Variants in ZNHIT6 observed in about 807,000 individuals in gnomAD.
ZNHIT6 encodes box C/D snoRNA protein 1.
A neutral mutation model predicts 57.2 loss-of-function variants in ZNHIT6; 45 were observed. The ratio of observed to expected loss-of-function variants is 0.79; its 90% confidence interval spans 0.62 to 1.01. The LOEUF is 1.01. ZNHIT6 is among the 50% of genes least tolerant of loss of function. The probability of loss-of-function intolerance (pLI) is 0.00; values close to 1 mark genes in which losing one functional copy is unlikely to be tolerated. For synonymous variants in ZNHIT6, 188 were observed against 190.0 expected, an observed-to-expected ratio of 0.99 and a Z score of 0.09; for missense variants, 528 against 567.3, an observed-to-expected ratio of 0.93 and a Z score of 0.70.
intron 9 of ZNHIT6, 36 bp from the exon 10 acceptor site, chr1:85,654,134 T>C (rs1215615899): frequency 1.9e-6 from 3 of 1,590,714 alleles, no homozygotes; most frequent in African/African-American, 2.7e-5. Flanking sequence ...GTCAAGTGTT[T>C]ATATTTTTCT....
At chr1:85,680,957 T>C in intron 5 of ZNHIT6, 53 bp from the exon 6 acceptor site, 1 of 1,373,132 alleles carries the variant, frequency 7.3e-7, no homozygotes, top group South Asian at 1.3e-5. Context: ...AAAGTCTGGA[T>C]GCAAATTGAA....
chr1:85,665,870 A>G (rs1252686657), intron 8 of ZNHIT6, among the ~76,000 whole-genome samples: 1 of 152,184 alleles, frequency 6.6e-6, no homozygotes, highest in Non-Finnish European at 1.5e-5. Context: ...GAATGGTATT[A>G]TTTTAGAGTT....
intron 8 of ZNHIT6, among the ~76,000 whole-genome samples, chr1:85,676,913 C>G (rs183038619): frequency 6.6e-6 from 1 of 152,148 alleles, no homozygotes; most frequent in East Asian, 1.9e-4. Flanking sequence ...GCAGTTACCA[C>G]AAACCTTCAA....
intron 8 of ZNHIT6, among the ~76,000 whole-genome samples, chr1:85,665,217 T>C (rs577426126): frequency 1.3e-5 from 2 of 152,244 alleles, no homozygotes; most frequent in East Asian, 1.9e-4. Context: ...GTTCATATTC[T>C]TTTTTTGCTC....
chr1:85,674,168 CT>C (rs1300044837), intron 8 of ZNHIT6, among the ~76,000 whole-genome samples: 1 of 152,138 alleles, frequency 6.6e-6, no homozygotes, highest in Non-Finnish European at 1.5e-5. Context: ...CCTTCCTTTG[CT>C]TTGATAGTAT....
intron 8 of ZNHIT6, among the ~76,000 whole-genome samples, chr1:85,667,460 T>A (rs1307931849): frequency 6.6e-6 from 1 of 152,056 alleles, no homozygotes; most frequent in African/African-American, 2.4e-5. Context: ...TGAAAAACAA[T>A]GATACTTTTG....
intron 6 of ZNHIT6, among the ~76,000 whole-genome samples, chr1:85,680,122 C>T (rs1341181937): frequency 2.0e-5 from 3 of 152,108 alleles, no homozygotes; most frequent in Non-Finnish European, 4.4e-5. Context: ...GGAGGATCAC[C>T]TGAGCCCAGG....
intron 5 of ZNHIT6, among the ~76,000 whole-genome samples, chr1:85,701,302 C>A (rs1012619384): frequency 6.6e-6 from 1 of 152,124 alleles, no homozygotes; most frequent in African/African-American, 2.4e-5. Flanking sequence ...ACAACTGGGG[C>A]CCAGAGAAAG....
chr1:85,687,307 AAAAAC>A lies in ZNHIT6; in HGVS notation c.1020-6408_1020-6404del, dbSNP rs1557861220. Among the ~76,000 whole-genome samples the A allele has an allele frequency of 7.3e-4, 106 of 145,734 alleles. 19 individuals are homozygous for A. In the East Asian group the frequency reaches 8.2e-3, roughly 11 times the overall value. ...AAAAAACAAAAAAAAAACAAAAAAAAAAAACAATTTAGAACCCAGTACTCAAAAAT... is the reference window on the plus strand; with the variant it reads ...AAAAAACAAAAAAAAAACAAAAAAAAAATTTAGAACCCAGTACTCAAAAAT... On this transcript the variant is annotated intron_variant, in intron 5 of 9. Coordinates refer to ENST00000370574, the MANE Select transcript of ZNHIT6 (RefSeq NM_017953.4).
In ZNHIT6 at chr1:85,687,294, AAAAACAAAAAAAAAAAAC is replaced by A. The variant is rs1662081901; in HGVS notation, c.1020-6408_1020-6391del. 3.0e-5 allele frequency among the ~76,000 whole-genome samples: 4 copies of A among 133,218 alleles called. 1 individual carries two copies. In the East Asian group the frequency reaches 7.7e-4, roughly 26 times the overall value. The allele number at this position is 133,218 out of a possible 152,430, so 87.4% of individuals were successfully genotyped here. ...AGAAGACTATCTCAAAAAACAAAAA[AAAAACAAAAAAAAAAAAC>A]AATTTAGAACCCAGTACTCAAAAAT... On this transcript the variant is annotated intron_variant, in intron 5 of 9. Coordinates refer to ENST00000370574, the MANE Select transcript of ZNHIT6 (RefSeq NM_017953.4).
chr1:85,696,493 C>A (rs1306275660), intron 5 of ZNHIT6, among the ~76,000 whole-genome samples: 1 of 152,024 alleles, frequency 6.6e-6, no homozygotes, highest in East Asian at 1.9e-4. Context: ...TCAGTCCATA[C>A]TGAAGGATAC....
At position 85,667,961 on chromosome 1, in the gene ZNHIT6, A is replaced by AAAAAAAAAAAAAATGTATATATAT; in HGVS notation, c.1247+9274_1247+9275insATATATATACATTTTTTTTTTTTT. Among the ~76,000 whole-genome samples the AAAAAAAAAAAAAATGTATATATAT allele has an allele frequency of 3.3e-4, 6 of 18,202 alleles. 1 individual carries two copies. Among genetic ancestry groups the AAAAAAAAAAAAAATGTATATATAT allele is most frequent in the Admixed American group, 6.7e-4 (1 of 1,484 alleles). 11.9% of individuals were successfully genotyped at this position (18,202 alleles called of 152,430 possible). ...ACTCTCTCTTTCAAAAAAAAAAAAA[A>AAAAAAAAAAAAAATGTATATATAT]ATATATATATATATATATATATATG... On this transcript the variant is annotated intron_variant, in intron 8 of 9. Transcript: ENST00000370574.
chr1:85,708,088 T>G lies in ZNHIT6; in HGVS notation c.197A>C (p.Gln66Pro), dbSNP rs1165637644. 6.2e-7 allele frequency: 1 copy of G among 1,614,118 alleles called. No individual in the cohort carries two copies. The highest frequency in any genetic ancestry group is 8.5e-7 in the Non-Finnish European group (1 of 1,180,024). The change falls in exon 1 of 10, where the codon CAA (glutamine) becomes CCA (proline). Residue 66 changes from glutamine to proline, a missense_variant. Transcript: ENST00000370574. ...EIGDGEEGSGQRPEEIPMDLT... is the reference protein window; with the variant it reads ...EIGDGEEGSGPRPEEIPMDLT... ...GTCCATCGGTATTTCCTCTGGCCTT[T>G]GTCCACTTCCTTCCTCTCCATCCCC...
chr1:85,677,786 A>G (rs971136616), intron 7 of ZNHIT6, among the ~76,000 whole-genome samples: 1 of 152,218 alleles, frequency 6.6e-6, no homozygotes, highest in African/African-American at 2.4e-5. Context: ...CACCCAGTCT[A>G]AATTTTAAAT....
intron 8 of ZNHIT6, among the ~76,000 whole-genome samples, chr1:85,667,841 C>T (rs528094884): frequency 1.0e-4 from 15 of 148,122 alleles, no homozygotes; most frequent in African/African-American, 2.5e-4. Context: ...GGCTGAGGCA[C>T]GAGAATTGCT....
rs1178288999 is a variant in ZNHIT6, at chr1:85,650,596, AAG to A, written c.*3460_*3461del. On this transcript the variant is annotated 3_prime_UTR_variant, in exon 10 of 10. Transcript: ENST00000370574. ...TAAGACTGGGTAACTTATTTTTAAA[AAG>A]AGTTTTATTTGGCTCATGATTCTGG... 4 of 152,324 alleles carry A rather than the reference AAG, an allele frequency of 2.6e-5. No homozygotes were observed. The highest frequency in any genetic ancestry group is 4.1e-4 in the South Asian group (2 of 4,824). The allele number at this position is 152,324 out of a possible 1,614,324, so 9.4% of individuals were successfully genotyped here.
chr1:85,664,633 G>A (rs1661314263), intron 8 of ZNHIT6, among the ~76,000 whole-genome samples: 1 of 152,108 alleles, frequency 6.6e-6, no homozygotes, highest in South Asian at 2.1e-4. Flanking sequence ...GGTGGAGGGT[G>A]GGAGGAGGGA....
chr1:85,659,866 C>A (rs1170376277), intron 8 of ZNHIT6, among the ~76,000 whole-genome samples: 1 of 152,180 alleles, frequency 6.6e-6, no homozygotes, highest in African/African-American at 2.4e-5. Context: ...CACACCCCAG[C>A]CTGGAATTAT....
chr1:85,690,704 T>A (rs1392806543), intron 5 of ZNHIT6, among the ~76,000 whole-genome samples: 1 of 152,146 alleles, frequency 6.6e-6, no homozygotes, highest in African/African-American at 2.4e-5. Flanking sequence ...GAGGTAAACA[T>A]CAGAATCATC....
Sources: allele counts gnomAD v4.1 joint callset (sites outside exome capture counted in the v4.1 genomes callset), GRCh38; gene constraint gnomAD v4.1.1; transcripts MANE v1.5; gene names NCBI Gene and HGNC (gene_info 2026-07-23, HGNC 2026-07-21).